FMN1: variants seen among roughly 807,000 people sequenced by gnomAD.
FMN1 encodes formin 1, also known as formin-1.
FMN1 carries 110 observed loss-of-function variants against 132.4 expected under a neutral mutation model. The observed-to-expected ratio is 0.83, with a 90% CI of 0.71 to 0.97. The LOEUF (loss-of-function observed/expected upper bound fraction) is 0.97. FMN1 is among the 50% of genes least tolerant of loss of function. The pLI is 0.00. For synonymous variants in FMN1, 722 were observed against 651.7 expected, an observed-to-expected ratio of 1.11 and a Z score of -1.64; for missense variants, 1,792 against 1,705.3, an observed-to-expected ratio of 1.05 and a Z score of -0.90.
intron 7 of FMN1, among the ~76,000 whole-genome samples, chr15:32,988,482 A>G (rs2033222923): frequency 6.6e-6 from 1 of 152,230 alleles, no homozygotes; most frequent in Non-Finnish European, 1.5e-5. Flanking sequence ...GCATATTCTC[A>G]GTACAACTCA....
At chr15:33,111,564 G>A (rs1038279337) in intron 4 of FMN1, among the ~76,000 whole-genome samples, 3 of 152,114 alleles carry the variant, frequency 2.0e-5, no homozygotes, top group Non-Finnish European at 2.9e-5. Context: ...GCCAAAAGGT[G>A]GAAATAACTC....
intron 6 of FMN1, among the ~76,000 whole-genome samples, chr15:33,016,220 C>G (rs10519774): frequency 0.18 from 28,056 of 152,130 alleles, 2,674 homozygotes; most frequent in Admixed American, 0.21. Flanking sequence ...TAATCACTGA[C>G]AGATAAATAC....
intron 12 of FMN1, among the ~76,000 whole-genome samples, chr15:32,904,492 G>C (rs993324196): frequency 6.6e-6 from 1 of 152,114 alleles, no homozygotes; most frequent in Non-Finnish European, 1.5e-5. Context: ...GAAATTTGAG[G>C]CTGGGAGACC....
chr15:32,839,333 C>T (rs1001076534), intron 17 of FMN1, among the ~76,000 whole-genome samples: 5 of 152,240 alleles, frequency 3.3e-5, no homozygotes, highest in East Asian at 1.9e-4. Context: ...ACCCTTCAGG[C>T]GTTGGCAGCA....
At chr15:32,815,852 A>G (rs1303811048) in intron 17 of FMN1, among the ~76,000 whole-genome samples, 2 of 152,184 alleles carry the variant, frequency 1.3e-5, no homozygotes, top group Admixed American at 1.3e-4. Context: ...TAGGTTCTAC[A>G]CTGTGGATTA....
chr15:32,938,484 A>G lies in FMN1; in HGVS notation c.3139-12223T>C, dbSNP rs571994662. On this transcript the variant is annotated intron_variant, in intron 9 of 20. Coordinates refer to ENST00000616417, the MANE Select transcript of FMN1 (RefSeq NM_001277313.2). ...GTGGAAGTTGCAGTGAGCCAAGATCAAGCCACTGCTCGCCAGCCTGGGTGA... is the reference window on the plus strand; with the variant it reads ...GTGGAAGTTGCAGTGAGCCAAGATCGAGCCACTGCTCGCCAGCCTGGGTGA... 8.5e-5 allele frequency among the ~76,000 whole-genome samples: 13 copies of G among 152,278 alleles called. No homozygotes were observed. In the East Asian group the frequency reaches 2.5e-3, roughly 29 times the overall value.
rs551021879 is a variant in FMN1 at position 32,869,955 on chromosome 15, T to C, written c.3836-12848A>G. The stretch of plus-strand genomic sequence containing the variant: ...GAGGCGTGAGGTAAATGGAGAAAGA[T>C]TCTGTAGCCACTTGTTTAAGAAGTT... On this transcript the variant is annotated intron_variant, in intron 16 of 20. Coordinates refer to ENST00000616417, the MANE Select transcript of FMN1 (RefSeq NM_001277313.2). Among the ~76,000 whole-genome samples the C allele has an allele frequency of 8.8e-4, 134 of 152,224 alleles. No individual in the cohort carries two copies. In the South Asian group the frequency reaches 0.011, roughly 13 times the overall value.
At chr15:33,126,450 G>C (rs956367220) in intron 4 of FMN1, among the ~76,000 whole-genome samples, 2 of 152,156 alleles carry the variant, frequency 1.3e-5, no homozygotes, top group African/African-American at 4.8e-5. Context: ...GCAGAGGGCA[G>C]AGTGGATCCC....
chr15:32,875,520 C>T (rs1368647997), intron 16 of FMN1, among the ~76,000 whole-genome samples: 1 of 152,200 alleles, frequency 6.6e-6, no homozygotes, highest in Non-Finnish European at 1.5e-5. Flanking sequence ...CTGTCAATTT[C>T]CTGGTAGGTC....
Position 32,766,992 on chromosome 15 carries a change from C to T in FMN1, c.*7318G>A, listed in dbSNP as rs1326867096. ...ATCTGAAATTGTTGGAGCTGTTAAA[C>T]CAAGCACAGACCAGTTTCACTGGGG... On this transcript the variant is annotated 3_prime_UTR_variant, in exon 21 of 21. Coordinates refer to ENST00000616417, the MANE Select transcript of FMN1 (RefSeq NM_001277313.2). 1 of 152,176 alleles carries T rather than the reference C, an allele frequency of 6.6e-6. No individual in the cohort carries two copies. The highest frequency in any genetic ancestry group is 1.5e-5 in the Non-Finnish European group (1 of 68,072). The allele number at this position is 152,176 out of a possible 1,614,324, so 9.4% of individuals were successfully genotyped here.
intron 16 of FMN1, among the ~76,000 whole-genome samples, chr15:32,867,511 T>TG (rs2059418444): frequency 6.6e-6 from 1 of 150,810 alleles, no homozygotes; most frequent in African/African-American, 2.4e-5. Context: ...CTCATCAGGT[T>TG]TTTTTTTTTT....
chr15:32,775,660 C>A (rs964067292), intron 20 of FMN1, among the ~76,000 whole-genome samples: 2 of 152,202 alleles, frequency 1.3e-5, no homozygotes, highest in Non-Finnish European at 2.9e-5. Flanking sequence ...CTTTCCCCGA[C>A]CAAAAAGTAT....
At chr15:33,185,882 T>A (rs1965868615) in intron 2 of FMN1, among the ~76,000 whole-genome samples, 1 of 152,166 alleles carries the variant, frequency 6.6e-6, no homozygotes, top group African/African-American at 2.4e-5. Flanking sequence ...AGGAAGAAGT[T>A]TTTTATAAAT....
At chr15:32,788,659 T>G (rs2056962165) in intron 19 of FMN1, among the ~76,000 whole-genome samples, 1 of 152,208 alleles carries the variant, frequency 6.6e-6, no homozygotes, top group Non-Finnish European at 1.5e-5. Context: ...ATAAGTAATT[T>G]AGAAATATTC....
intron 17 of FMN1, among the ~76,000 whole-genome samples, chr15:32,849,497 T>A (rs1469933950): frequency 6.6e-6 from 1 of 152,156 alleles, no homozygotes; most frequent in African/African-American, 2.4e-5. Flanking sequence ...AGTATTCCAA[T>A]GTATGGAAAT....
At chr15:32,811,618 C>T (rs973706008) in intron 17 of FMN1, among the ~76,000 whole-genome samples, 7 of 151,160 alleles carry the variant, frequency 4.6e-5, no homozygotes, top group Non-Finnish European at 8.8e-5. Context: ...CCTGGATCCT[C>T]TTATTTCCAG....
intron 3 of FMN1, among the ~76,000 whole-genome samples, chr15:33,161,152 C>G (rs1964874372): frequency 6.6e-6 from 1 of 152,234 alleles, no homozygotes; most frequent in Non-Finnish European, 1.5e-5. Flanking sequence ...CCCAACACGG[C>G]TAAGACAGAT....
chr15:32,922,649 A>G (rs1327322473), intron 10 of FMN1, among the ~76,000 whole-genome samples: 2 of 152,242 alleles, frequency 1.3e-5, no homozygotes, highest in African/African-American at 4.8e-5. Context: ...AGACAATTGC[A>G]GACTGAAACA....
rs116256358 is a variant in FMN1, at chr15:32,993,785, C to G, written c.2223+14229G>C. Among the ~76,000 whole-genome samples the G allele has an allele frequency of 6.5e-3, 986 of 151,604 alleles. 9 individuals are homozygous for G. Among genetic ancestry groups the G allele is most frequent in the African/African-American group, 0.022 (923 of 41,070 alleles). On this transcript the variant is annotated intron_variant, in intron 7 of 20. Transcript: ENST00000616417. Reference sequence around the variant, plus strand: ...TGCTTGTTGTCAGAGAGCGTAAATTCTCTCTTGACCCTGTCTTAGAGCCAC... The same window carrying G: ...TGCTTGTTGTCAGAGAGCGTAAATTGTCTCTTGACCCTGTCTTAGAGCCAC...
Sources: gnomAD v4.1 joint callset for allele counts (sites outside exome capture counted in the v4.1 genomes callset) on GRCh38, gnomAD v4.1.1 for gene constraint, MANE v1.5 for transcripts, NCBI Gene and HGNC (gene_info 2026-07-23, HGNC 2026-07-21) for gene names.